The following NLRP14 variants were observed in gnomAD, a reference collection of about 807,000 sequenced individuals.
NLRP14 encodes the protein NACHT, LRR and PYD domains-containing protein 14.
A neutral mutation model predicts 94.7 loss-of-function variants in NLRP14; 105 were observed. The observed-to-expected ratio is 1.11, with a 90% CI of 0.95 to 1.30. The LOEUF (loss-of-function observed/expected upper bound fraction) is 1.30, where lower values mean the gene tolerates loss of function less well. NLRP14 is among the 50% of genes most tolerant of loss of function. NLRP14 has a pLI of 0.00. For synonymous variants in NLRP14, 508 were observed against 459.9 expected (o/e 1.10, Z -1.34); for missense variants, 1,362 against 1,254.1 (o/e 1.09, Z -1.30).
chr11:7,049,683 C>A lies in NLRP14; in HGVS notation c.2136C>A (p.Ile712=), dbSNP rs762665887. 1.9e-6 allele frequency: 3 copies of A among 1,611,830 alleles called. No individual in the cohort carries two copies. In the South Asian group the frequency reaches 3.3e-5, roughly 18 times the overall value. The change falls in exon 6 of 12, where the codon ATC becomes ATA. Residue 712 remains isoleucine (I), a synonymous_variant. Coordinates refer to ENST00000299481, the MANE Select transcript of NLRP14 (RefSeq NM_176822.4). The part of the protein sequence containing the change: ...CKLQKLLLKF[I]TFPDGCQDIS... The stretch of plus-strand genomic sequence containing the variant: ...TTTTCTTCTGAAGGTTGAAATTTAT[C>A]ACTTTCCCTGATGGTTGTCAGGATA...
chr11:7,032,441 G>C (rs556764925), intron 1 of NLRP14, among the ~76,000 whole-genome samples: 1 of 151,960 alleles, frequency 6.6e-6, no homozygotes, highest in South Asian at 2.1e-4. Context: ...CTGTATTTAG[G>C]ATTTTTTTTT....
chr11:7,023,832 G>A (rs888923126), intron 1 of NLRP14, among the ~76,000 whole-genome samples: 72 of 152,116 alleles, frequency 4.7e-4, no homozygotes, highest in African/African-American at 1.6e-3. Flanking sequence ...GAGAAGCAGC[G>A]AGAGAGGGAG....
chr11:7,070,545 T>C, intron 11 of NLRP14, 89 bp downstream of exon 11: 1 of 826,176 alleles, frequency 1.2e-6, no homozygotes, highest in Non-Finnish European at 2.0e-6. Flanking sequence ...AGAATCCACC[T>C]AATTGTGTAT....
At chr11:7,086,930 T>C in the NLRP14 span, among the ~76,000 whole-genome samples, 1 of 151,124 alleles carries the variant, frequency 6.6e-6, no homozygotes, top group Non-Finnish European at 1.5e-5. Flanking sequence ...AGTCAGGAGA[T>C]TTTTTGTTCC....
the NLRP14 span, chr11:7,089,662 C>G: frequency 6.9e-7 from 1 of 1,450,174 alleles, no homozygotes; most frequent in Non-Finnish European, 9.1e-7. Flanking sequence ...CGCGGGAGGG[C>G]CCTGGCCGTG....
the NLRP14 span, among the ~76,000 whole-genome samples, chr11:7,077,738 A>G: frequency 6.6e-6 from 1 of 152,240 alleles, no homozygotes; most frequent in Non-Finnish European, 1.5e-5. Flanking sequence ...TTTTAAAACC[A>G]TCGGATCTCA....
chr11:7,034,617 G>A (rs976895891), intron 1 of NLRP14, among the ~76,000 whole-genome samples: 1 of 152,168 alleles, frequency 6.6e-6, no homozygotes, highest in Non-Finnish European at 1.5e-5. Context: ...ATTTGTGTTT[G>A]AATTCTAAGG....
At chr11:7,049,395 AT>A (rs768996605) in intron 5 of NLRP14, among the ~76,000 whole-genome samples, 24 of 152,122 alleles carry the variant, frequency 1.6e-4, no homozygotes, top group Non-Finnish European at 3.2e-4. Flanking sequence ...GGCCCTGATA[AT>A]TTTTGATAGT....
chr11:7,070,204 A>C, intron 10 of NLRP14, 82 bp from the exon 11 acceptor site: 1 of 996,876 alleles, frequency 1.0e-6, no homozygotes. Flanking sequence ...ATTATCCTCC[A>C]TTCTGAGTTC....
rs1282421334 is a variant in NLRP14, at chr11:7,043,526, T to C, written c.1500T>C (p.Ala500=). 1.2e-6 allele frequency: 2 copies of C among 1,614,054 alleles called. No homozygotes were observed. Among genetic ancestry groups the C allele is most frequent in the Admixed American group, 1.7e-5 (1 of 59,990 alleles). ...MFYMLKGSWE[A]GNPSCQPFED... ...ATATGTTGAAAGGCAGTTGGGAAGCTGGGAACCCTTCCTGCCAGCCTTTTG... is the reference window on the plus strand; with the variant it reads ...ATATGTTGAAAGGCAGTTGGGAAGCCGGGAACCCTTCCTGCCAGCCTTTTG... The change falls in exon 4 of 12, where the codon GCT becomes GCC. Residue 500 remains alanine, a synonymous_variant. Coordinates refer to ENST00000299481, the MANE Select transcript of NLRP14 (RefSeq NM_176822.4).
Position 7,030,699 on chromosome 11 carries a change from A to G in NLRP14, c.-21-7867A>G, listed in dbSNP as rs116086302. Among the ~76,000 whole-genome samples, 1,150 of 152,312 alleles carry G rather than the reference A, an allele frequency of 7.6e-3. 13 individuals carry two copies. The highest frequency in any genetic ancestry group is 0.021 in the African/African-American group (858 of 41,562). On this transcript the variant is annotated intron_variant, in intron 1 of 11. Coordinates refer to ENST00000299481, the MANE Select transcript of NLRP14 (RefSeq NM_176822.4). Reference sequence around the variant, plus strand: ...TATTCACTGCTAGACAGGGTCCAGAAAACTGACAGGCACAAATAAGATGCT... The same window carrying G: ...TATTCACTGCTAGACAGGGTCCAGAGAACTGACAGGCACAAATAAGATGCT...
At position 7,060,168 on chromosome 11, in the gene NLRP14, A is replaced by C. The variant is rs959863126; in HGVS notation, c.2804+104A>C. The stretch of plus-strand genomic sequence containing the variant: ...CCGAGCATCTATCAGAGAAAAGAAT[A>C]TAAAGCTGATTTTCCCTCTCTCTTC... On this transcript the variant is annotated intron_variant, in intron 9 of 11. Transcript: ENST00000299481. The C allele has an allele frequency of 3.6e-5, 38 of 1,060,696 alleles. No homozygotes were observed. The African/African-American group carries it at 4.7e-4, about 13-fold the overall frequency. 65.7% of individuals were successfully genotyped at this position (1,060,696 alleles called of 1,614,324 possible).
Position 7,066,115 on chromosome 11 carries a change from G to C in NLRP14, c.2975+3612G>C, listed in dbSNP as rs2119706868. On this transcript the variant is annotated intron_variant, in intron 10 of 11. Transcript: ENST00000299481. The stretch of plus-strand genomic sequence containing the variant: ...TCTTTATCCAGTCTATCATTGATTG[G>C]CATTTGGGTTGGTTCTAAGCTTTTG... 2.0e-5 allele frequency among the ~76,000 whole-genome samples: 3 copies of C among 152,210 alleles called. No homozygotes were observed. The South Asian group carries it at 6.2e-4, about 32-fold the overall frequency.
chr11:7,049,130 A>C (rs574020460), intron 5 of NLRP14, among the ~76,000 whole-genome samples: 25 of 152,298 alleles, frequency 1.6e-4, no homozygotes, highest in African/African-American at 4.1e-4. Flanking sequence ...AGAATCAGAA[A>C]TATCTGACAT....
At chr11:7,087,700 A>G in the NLRP14 span, among the ~76,000 whole-genome samples, 1 of 152,206 alleles carries the variant, frequency 6.6e-6, no homozygotes, top group Admixed American at 6.5e-5. Context: ...TAGAAGGCAT[A>G]ACTTCTTCCA....
At position 7,043,388 on chromosome 11, in the gene NLRP14, A is replaced by G. The variant is rs1425505454; in HGVS notation, c.1362A>G (p.Gln454=). 20 of 1,613,984 alleles carry G rather than the reference A, an allele frequency of 1.2e-5. No individual in the cohort carries two copies. The highest frequency in any genetic ancestry group is 2.2e-5 in the East Asian group (1 of 44,890). ...RENLRRLGLT[Q]SDVSSFMDSN... ...ATCTCAGAAGGCTTGGGTTAACTCAATCTGATGTCTCTAGTTTTATGGACA... is the reference window on the plus strand; with the variant it reads ...ATCTCAGAAGGCTTGGGTTAACTCAGTCTGATGTCTCTAGTTTTATGGACA... The change falls in exon 4 of 12, where the codon CAA becomes CAG. Residue 454 remains glutamine, a synonymous_variant. Transcript: ENST00000299481.
intron 5 of NLRP14, among the ~76,000 whole-genome samples, chr11:7,047,358 A>G (rs1159744958): frequency 6.6e-6 from 1 of 151,690 alleles, no homozygotes; most frequent in Non-Finnish European, 1.5e-5. Context: ...TCTGTTGTCC[A>G]GGCTGGAATG....
chr11:7,082,555 A>G, the NLRP14 span, among the ~76,000 whole-genome samples: 2 of 152,348 alleles, frequency 1.3e-5, no homozygotes, highest in South Asian at 4.1e-4. Flanking sequence ...CATGAGATAT[A>G]ACTGAGTAAA....
chr11:7,023,699 TCA>T (rs1398289453), intron 1 of NLRP14, among the ~76,000 whole-genome samples: 1 of 152,106 alleles, frequency 6.6e-6, no homozygotes, highest in East Asian at 1.9e-4. Context: ...AGGTTTAATC[TCA>T]CAGTTCTGCA....
Sources: allele counts gnomAD v4.1 joint callset (sites outside exome capture counted in the v4.1 genomes callset), GRCh38; gene constraint gnomAD v4.1.1; transcripts MANE v1.5; gene names NCBI Gene and HGNC (gene_info 2026-07-23, HGNC 2026-07-21).